FAM53B: variants seen among roughly 807,000 people sequenced by gnomAD.
The protein encoded by FAM53B is protein FAM53B.
Under a neutral mutation model 32.7 loss-of-function variants are expected in FAM53B, and 12 were observed. The observed-to-expected ratio is 0.37, with a 90% confidence interval of 0.24 to 0.59. The LOEUF (loss-of-function observed/expected upper bound fraction) is 0.59, where lower values mean the gene tolerates loss of function less well. FAM53B is among the 20% of genes least tolerant of loss of function. The pLI is 0.72. For missense variants in FAM53B, 477 were observed against 577.7 expected (o/e 0.83, Z 1.79); for synonymous variants, 234 against 228.7 (o/e 1.02, Z -0.21).
At chr10:124,708,079 G>A (rs557523507) in intron 1 of FAM53B, 2 of 152,268 alleles carry the variant, frequency 1.3e-5, no homozygotes, top group Admixed American at 1.3e-4. Context: ...CAGATACAAG[G>A]AACCTGAAGA....
intron 1 of FAM53B, among the ~76,000 whole-genome samples, 189 bp downstream of exon 1, chr10:124,743,824 C>A (rs1218899911): frequency 7.2e-5 from 11 of 152,092 alleles, no homozygotes; most frequent in Admixed American, 5.9e-4. Flanking sequence ...CCCGACCCAA[C>A]CCAAAGGCGA....
intron 1 of FAM53B, 47 bp from the exon 2 acceptor site, chr10:124,706,934 G>C: frequency 7.1e-7 from 1 of 1,404,534 alleles, no homozygotes. Context: ...TAAGAAAGAC[G>C]AGGGCCCTGA....
At chr10:124,694,687 G>GGAA (rs1438660710) in intron 3 of FAM53B, among the ~76,000 whole-genome samples, 1 of 152,218 alleles carries the variant, frequency 6.6e-6, no homozygotes, top group Non-Finnish European at 1.5e-5. Context: ...CAGGCGAGGA[G>GGAA]GCAGGCTTCT....
intron 3 of FAM53B, among the ~76,000 whole-genome samples, chr10:124,692,676 C>T (rs2134075395): frequency 7.9e-6 from 1 of 126,622 alleles, no homozygotes; most frequent in East Asian, 2.5e-4. Flanking sequence ...GAATGCGCCA[C>T]TGCACTCCAG....
At chr10:124,720,056 G>T (rs1950059759) in intron 1 of FAM53B, among the ~76,000 whole-genome samples, 1 of 151,886 alleles carries the variant, frequency 6.6e-6, no homozygotes, top group African/African-American at 2.4e-5. Context: ...CCAGCTACTT[G>T]GGAGGCTGAG....
rs1274904332 is a variant in FAM53B, at chr10:124,667,880, T to C, written c.906+13727A>G. On this transcript the variant is annotated intron_variant, in intron 4 of 4. Transcript: ENST00000337318. ...GCACAGCTGCCTGCTGTAGGAGCTC[T>C]CCCTCATCAGGCTGCTTCACTCCCA... is the stretch of plus-strand genomic sequence containing the variant. Among the ~76,000 whole-genome samples the C allele has an allele frequency of 2.0e-5, 3 of 152,140 alleles. No homozygotes were observed. The East Asian group carries it at 5.8e-4, about 29-fold the overall frequency.
In FAM53B at chr10:124,701,977, C is replaced by G. The variant is rs3781448; in HGVS notation, c.78+4659G>C. On this transcript the variant is annotated intron_variant, in intron 2 of 4. Coordinates refer to ENST00000337318, the MANE Select transcript of FAM53B (RefSeq NM_014661.4). ...AAGAAGGCTGGGAGGGAGACCGAGT[C>G]CTCACACCCCTCAACAGGCCTCAGA... 4.1e-3 allele frequency among the ~76,000 whole-genome samples: 623 copies of G among 152,300 alleles called. 8 individuals carry two copies. Among genetic ancestry groups the G allele is most frequent in the East Asian group, 0.014 (73 of 5,192 alleles).
At chr10:124,689,282 CA>C (rs1230125751) in intron 3 of FAM53B, among the ~76,000 whole-genome samples, 2 of 152,166 alleles carry the variant, frequency 1.3e-5, no homozygotes, top group African/African-American at 4.8e-5. Context: ...GGGGGGGACA[CA>C]AGCAGGGCAA....
At chr10:124,706,113 C>G (rs1170713160) in intron 2 of FAM53B, among the ~76,000 whole-genome samples, 1 of 152,234 alleles carries the variant, frequency 6.6e-6, no homozygotes, top group East Asian at 1.9e-4. Context: ...TTAGCTACCT[C>G]TCTGCGCTAG....
chr10:124,684,258 T>A (rs1949789802), intron 3 of FAM53B, among the ~76,000 whole-genome samples: 1 of 152,246 alleles, frequency 6.6e-6, no homozygotes, highest in African/African-American at 2.4e-5. Flanking sequence ...ACATCCAATT[T>A]CTTCATCATA....
intron 3 of FAM53B, among the ~76,000 whole-genome samples, chr10:124,689,418 A>G (rs913881941): frequency 3.9e-5 from 6 of 152,226 alleles, no homozygotes; most frequent in African/African-American, 1.4e-4. Flanking sequence ...TGTCAGGAAC[A>G]AAAAGTCCTC....
intron 4 of FAM53B, among the ~76,000 whole-genome samples, chr10:124,626,741 A>AG (rs1324554915): frequency 6.6e-6 from 1 of 152,256 alleles, no homozygotes; most frequent in Non-Finnish European, 1.5e-5. Flanking sequence ...GAGACCCATT[A>AG]GCTAGACCTT....
intron 4 of FAM53B, among the ~76,000 whole-genome samples, chr10:124,635,761 A>C (rs1003634898): frequency 5.9e-5 from 9 of 152,196 alleles, no homozygotes; most frequent in Non-Finnish European, 2.9e-5. Context: ...TTCACAGCTG[A>C]AGCAGCCCGG....
Position 124,706,886 on chromosome 10 carries a change from C to G in FAM53B, c.-173G>C. On this transcript the variant is annotated splice_region_variant and 5_prime_UTR_variant, in exon 2 of 5. Coordinates refer to ENST00000337318, the MANE Select transcript of FAM53B (RefSeq NM_014661.4). The stretch of plus-strand genomic sequence containing the variant: ...GGGAAATGGCCAAATGTGGTCAACT[C>G]CCTGGAAAGACAAAAGAAAAGCAAA... 7 of 1,443,192 alleles carry G rather than the reference C, an allele frequency of 4.9e-6. No individual in the cohort carries two copies. The South Asian group carries it at 8.7e-5, about 18-fold the overall frequency. 89.4% of individuals were successfully genotyped at this position (1,443,192 alleles called of 1,614,324 possible). A position where few individuals can be genotyped will look rare whatever the true frequency, so the allele number is the denominator to read the frequency against.
At chr10:124,637,305 C>T (rs1391527695) in intron 4 of FAM53B, among the ~76,000 whole-genome samples, 1 of 152,198 alleles carries the variant, frequency 6.6e-6, no homozygotes, top group Non-Finnish European at 1.5e-5. Flanking sequence ...ACGTACCTGG[C>T]AGGACGTGGG....
At chr10:124,743,783 CA>C (rs1400336504) in intron 1 of FAM53B, among the ~76,000 whole-genome samples, 11 of 151,936 alleles carry the variant, frequency 7.2e-5, no homozygotes, top group Non-Finnish European at 2.9e-5. Flanking sequence ...ACGCCTGCAT[CA>C]GGGGCGAGAC....
intron 4 of FAM53B, among the ~76,000 whole-genome samples, chr10:124,650,220 A>T (rs1949547557): frequency 6.6e-6 from 1 of 152,224 alleles, no homozygotes; most frequent in Non-Finnish European, 1.5e-5. Flanking sequence ...CTAAGGAGGC[A>T]GACCTCTCCC....
chr10:124,683,754 C>T (rs1452680760), intron 3 of FAM53B, among the ~76,000 whole-genome samples: 1 of 152,154 alleles, frequency 6.6e-6, no homozygotes, highest in Non-Finnish European at 1.5e-5. Context: ...CTGGCCCTGG[C>T]CCTAAGGAGT....
chr10:124,668,324 G>T (rs1210642540), intron 4 of FAM53B, among the ~76,000 whole-genome samples: 1 of 152,222 alleles, frequency 6.6e-6, no homozygotes, highest in Non-Finnish European at 1.5e-5. Context: ...CCCACAGCAG[G>T]GTGTTTCTAG....
Sources: gnomAD v4.1 joint callset for allele counts (sites outside exome capture counted in the v4.1 genomes callset) on GRCh38, gnomAD v4.1.1 for gene constraint, MANE v1.5 for transcripts, NCBI Gene and HGNC (gene_info 2026-07-23, HGNC 2026-07-21) for gene names.